Variants in MIER2 observed in about 807,000 individuals in gnomAD.
The protein encoded by MIER2 is mesoderm induction early response protein 2.
In MIER2, 30 loss-of-function variants were observed where a neutral mutation model predicts 67.6. The ratio of observed to expected loss-of-function variants is 0.44; its 90% CI spans 0.33 to 0.60. The LOEUF (loss-of-function observed/expected upper bound fraction) is 0.60. MIER2 is among the 20% of genes least tolerant of loss of function. The probability of loss-of-function intolerance (pLI) is 0.02; values close to 1 mark genes in which losing one functional copy is unlikely to be tolerated. For missense variants in MIER2, 702 were observed against 745.1 expected, an observed-to-expected ratio of 0.94 and a Z score of 0.67; for synonymous variants, 372 against 312.6, an observed-to-expected ratio of 1.19 and a Z score of -2.00.
In MIER2 at chr19:327,114, T is replaced by C. The variant is rs1257065002; in HGVS notation, c.493+19A>G. ...CAGGGGGCCTGGCTGCGGTGGAGTA[T>C]GGGGACAGAGTCACCTACATCCACT... On this transcript the variant is annotated intron_variant, in intron 5 of 13. Transcript: ENST00000264819. 7.6e-6 allele frequency: 12 copies of C among 1,571,458 alleles called. No homozygotes were observed. Among genetic ancestry groups the C allele is most frequent in the East Asian group, 2.3e-5 (1 of 44,016 alleles).
rs753377688 is a variant in MIER2 at position 307,157 on chromosome 19, CGTG to C, written c.1575_1577del (p.Thr526del). The C allele has an allele frequency of 8.8e-6, 14 of 1,588,630 alleles. No individual in the cohort carries two copies. The South Asian group carries it at 1.6e-4, about 18-fold the overall frequency. On this transcript the variant is annotated inframe_deletion, in exon 13 of 14. Transcript: ENST00000264819. ...CCGAGTGTAGCCCGGGGGCCGGGCA[CGTG>C]GGGTGGGCGGCCAGGAAGGGGTTCA...
intron 3 of MIER2, among the ~76,000 whole-genome samples, chr19:331,360 G>GAAAAAAAAAAAA (rs917485905): frequency 8.5e-5 from 10 of 117,948 alleles, no homozygotes; most frequent in East Asian, 2.4e-4. Context: ...TCTGTCCCCA[G>GAAAAAAAAAAAA]AAAAAAAAAA....
intron 7 of MIER2, among the ~76,000 whole-genome samples, chr19:320,134 G>C (rs1375143828): frequency 6.6e-6 from 1 of 152,070 alleles, no homozygotes; most frequent in African/African-American, 2.4e-5. Context: ...CGGCACTCTG[G>C]GGGGCTGAGG....
At chr19:342,422 A>C (rs1198834748) in intron 1 of MIER2, among the ~76,000 whole-genome samples, 1 of 151,732 alleles carries the variant, frequency 6.6e-6, no homozygotes, top group Admixed American at 6.6e-5. Flanking sequence ...GCAGCCCCCA[A>C]ATGGGTAGAG....
Position 305,771 on chromosome 19 carries a change from A to G in MIER2, c.*919T>C, listed in dbSNP as rs1478630137. 2 of 152,436 alleles carry G rather than the reference A, an allele frequency of 1.3e-5. No individual in the cohort carries two copies. The highest frequency in any genetic ancestry group is 2.9e-5 in the Non-Finnish European group (2 of 68,070). The allele number at this position is 152,436 out of a possible 1,614,324, so 9.4% of individuals were successfully genotyped here. A position where few individuals can be genotyped will look rare whatever the true frequency, so the allele number is the denominator to read the frequency against. On this transcript the variant is annotated 3_prime_UTR_variant, in exon 14 of 14. Coordinates refer to ENST00000264819, the MANE Select transcript of MIER2 (RefSeq NM_017550.3). ...GACCCCACTCCAACGTGTAAACAGA[A>G]ACAGAAACGAACGAGAGGGCCAGGG...
At chr19:340,042 T>G (rs1012901211) in intron 1 of MIER2, among the ~76,000 whole-genome samples, 1 of 152,206 alleles carries the variant, frequency 6.6e-6, no homozygotes, top group Admixed American at 6.5e-5. Context: ...TAAAAACTTG[T>G]GTAGTAAGAA....
chr19:310,663 C>CA (rs1970946567), intron 10 of MIER2, among the ~76,000 whole-genome samples: 24 of 142,642 alleles, frequency 1.7e-4, no homozygotes, highest in African/African-American at 2.4e-4. Flanking sequence ...AAACACAGCC[C>CA]GAAGCTCCAG....
chr19:344,465 C>T, intron 1 of MIER2: 5 of 766,704 alleles, frequency 6.5e-6, no homozygotes, highest in Non-Finnish European at 7.9e-6. Flanking sequence ...ACCGGACCCC[C>T]GACACCAGCC....
In MIER2 at chr19:334,403, G is replaced by A; in HGVS notation, c.240C>T (p.Ser80=). The change falls in exon 3 of 14, where the codon TCC becomes TCT. Residue 80 remains serine (S), a synonymous_variant. Coordinates refer to ENST00000264819, the MANE Select transcript of MIER2 (RefSeq NM_017550.3). The part of the protein sequence containing the change: ...PKEELEKDFI[S]QSNDMPFDEL... ...CAGGATCACCTTGGCCAAGTACCTG[G>A]GAGATGAAGTCCTTCTCCAGCTCCT... 1.2e-6 allele frequency: 2 copies of A among 1,614,110 alleles called. No individual in the cohort carries two copies. The highest frequency in any genetic ancestry group is 2.2e-5 in the South Asian group (2 of 91,070).
At chr19:314,890 A>G (rs1322198854) in intron 7 of MIER2, among the ~76,000 whole-genome samples, 3 of 150,674 alleles carry the variant, frequency 2.0e-5, no homozygotes, top group Non-Finnish European at 4.4e-5. Flanking sequence ...AGAGTTTGAG[A>G]CTCGCACACT....
Position 334,516 on chromosome 19 carries a change from G to A in MIER2, c.127C>T (p.Gln43Ter), listed in dbSNP as rs764795025. The A allele has an allele frequency of 5.0e-6, 8 of 1,613,986 alleles. No individual in the cohort carries two copies. The highest frequency in any genetic ancestry group is 6.8e-6 in the Non-Finnish European group (8 of 1,180,022). Reference sequence around the variant, plus strand: ...GACAGGATCTCTGCGAGGTTGAACTGATGGTCTCCAGAGCCCATGGACACC... The same window carrying A: ...GACAGGATCTCTGCGAGGTTGAACTAATGGTCTCCAGAGCCCATGGACACC... ...AVVSMGSGDH[Q>*]FNLAEILSQN... Residue 43 changes from glutamine to a stop codon, truncating the protein, a stop_gained, in exon 3 of 14, where the codon CAG becomes TAG. Transcript: ENST00000264819. LOFTEE classifies it high-confidence loss of function.
chr19:314,220 A>G lies in MIER2; in HGVS notation c.656-577T>C, dbSNP rs556037887. 5.9e-5 allele frequency among the ~76,000 whole-genome samples: 9 copies of G among 152,332 alleles called. No homozygotes were observed. In the South Asian group the frequency reaches 1.7e-3, roughly 28 times the overall value. The stretch of plus-strand genomic sequence containing the variant: ...CTGAAGAGCCACGGCCAGAAGGTGC[A>G]TCACCTCTGGGGAGACATCCTGCCC... On this transcript the variant is annotated intron_variant, in intron 7 of 13. Coordinates refer to ENST00000264819, the MANE Select transcript of MIER2 (RefSeq NM_017550.3).
Position 315,816 on chromosome 19 carries a change from C to T in MIER2, c.656-2173G>A, listed in dbSNP as rs149223887. ...ACAGCCAAGAATTCTTCAAAACTGA[C>T]GACTGATACCAACCCACAGAGCCAG... On this transcript the variant is annotated intron_variant, in intron 7 of 13. Coordinates refer to ENST00000264819, the MANE Select transcript of MIER2 (RefSeq NM_017550.3). 9.8e-5 allele frequency among the ~76,000 whole-genome samples: 15 copies of T among 152,316 alleles called. No individual in the cohort carries two copies. The East Asian group carries it at 1.2e-3, about 12-fold the overall frequency.
intron 7 of MIER2, among the ~76,000 whole-genome samples, chr19:323,159 G>A: frequency 6.8e-6 from 1 of 146,720 alleles, no homozygotes. Flanking sequence ...CAACCACACA[G>A]ATGACTCAAA....
intron 1 of MIER2, chr19:343,796 G>A (rs986028934): frequency 1.0e-6 from 1 of 974,420 alleles, no homozygotes; most frequent in Admixed American, 6.2e-5. Flanking sequence ...CGCAGCCGCC[G>A]CACCTTCACC....
intron 7 of MIER2, among the ~76,000 whole-genome samples, chr19:317,563 TA>T (rs1344440806): frequency 6.9e-6 from 1 of 145,532 alleles, no homozygotes; most frequent in African/African-American, 2.6e-5. Context: ...AATAAATAAA[TA>T]AAATAAAAAT....
At position 336,117 on chromosome 19, in the gene MIER2, C is replaced by A. The variant is rs1283600212; in HGVS notation, c.66G>T (p.Leu22=). The part of the protein sequence containing the change: ...PRVVSCLEHS[L]CPGEPGLQTT... The stretch of plus-strand genomic sequence containing the variant: ...TCTGCAAGCCCGGCTCCCCTGGGCA[C>A]AGGCTGTGCTCGAGGCAGGAGACCA... Residue 22 remains leucine (L), a synonymous_variant, in exon 2 of 14, where the codon CTG becomes CTT. Transcript: ENST00000264819. The A allele has an allele frequency of 6.2e-7, 1 of 1,613,826 alleles. No individual in the cohort carries two copies. Among genetic ancestry groups the A allele is most frequent in the Admixed American group, 1.7e-5 (1 of 59,992 alleles).
chr19:341,105 C>G (rs921078475), intron 1 of MIER2, among the ~76,000 whole-genome samples: 1 of 152,192 alleles, frequency 6.6e-6, no homozygotes. Flanking sequence ...CCTAAGTGAC[C>G]TCTGAAATCA....
intron 1 of MIER2, chr19:344,546 G>C (rs1972654324): frequency 6.7e-6 from 2 of 299,706 alleles, no homozygotes; most frequent in Non-Finnish European, 9.7e-6. Context: ...GCGCACTGCA[G>C]CCCGCGATGT....
Sources: gnomAD v4.1 joint callset for allele counts (sites outside exome capture counted in the v4.1 genomes callset) on GRCh38, gnomAD v4.1.1 for gene constraint, MANE v1.5 for transcripts, NCBI Gene and HGNC (gene_info 2026-07-23, HGNC 2026-07-21) for gene names.